The following XYLT1 variants were observed in gnomAD, a reference collection of about 807,000 sequenced individuals.
The protein encoded by XYLT1 is beta-D-xylosyltransferase 1.
XYLT1 carries 36 observed loss-of-function variants against 91.3 expected under a neutral mutation model. The ratio of observed to expected loss-of-function variants is 0.39; its 90% CI spans 0.30 to 0.52. XYLT1 has a LOEUF of 0.52. Among genes scored for constraint, XYLT1 ranks in the 20% least tolerant of loss-of-function variants. The pLI is 0.68. For synonymous variants in XYLT1, 588 were observed against 532.0 expected (o/e 1.11, Z -1.45); for missense variants, 1,242 against 1,284.5 (o/e 0.97, Z 0.51).
intron 3 of XYLT1, among the ~76,000 whole-genome samples, chr16:17,245,692 A>T (rs1381408898): frequency 6.6e-6 from 1 of 152,240 alleles, no homozygotes; most frequent in African/African-American, 2.4e-5. Flanking sequence ...AGAATGACTG[A>T]CATGGTGTTA....
At chr16:17,203,504 C>G (rs1484792359) in intron 3 of XYLT1, among the ~76,000 whole-genome samples, 1 of 151,682 alleles carries the variant, frequency 6.6e-6, no homozygotes, top group African/African-American at 2.4e-5. Context: ...TCATCCATCC[C>G]TCCACCCATC....
intron 1 of XYLT1, among the ~76,000 whole-genome samples, chr16:17,467,300 A>T (rs2036911531): frequency 6.6e-6 from 1 of 152,218 alleles, no homozygotes; most frequent in Admixed American, 6.5e-5. Context: ...AACATTCATT[A>T]CATTAACACA....
At chr16:17,347,755 C>G (rs2035163678) in intron 2 of XYLT1, among the ~76,000 whole-genome samples, 3 of 152,264 alleles carry the variant, frequency 2.0e-5, no homozygotes, top group Admixed American at 2.0e-4. Flanking sequence ...GGTCAGGGTC[C>G]CTGAAGGAAA....
intron 1 of XYLT1, among the ~76,000 whole-genome samples, chr16:17,381,226 G>T (rs1163172020): frequency 2.0e-5 from 3 of 152,060 alleles, no homozygotes; most frequent in Non-Finnish European, 4.4e-5. Context: ...AATCCTGGGG[G>T]TGATGTTCAT....
intron 1 of XYLT1, among the ~76,000 whole-genome samples, chr16:17,420,817 A>G (rs1466465359): frequency 6.6e-6 from 1 of 152,188 alleles, no homozygotes; most frequent in African/African-American, 2.4e-5. Flanking sequence ...GAAAATTCCA[A>G]CCAAAAACAT....
intron 1 of XYLT1, among the ~76,000 whole-genome samples, chr16:17,371,903 C>G (rs1428209240): frequency 6.6e-6 from 1 of 152,216 alleles, no homozygotes; most frequent in African/African-American, 2.4e-5. Context: ...CATGCACATA[C>G]AGGTATGCAT....
At chr16:17,469,588 G>A (rs1471821426) in intron 1 of XYLT1, among the ~76,000 whole-genome samples, 1 of 152,156 alleles carries the variant, frequency 6.6e-6, no homozygotes, top group African/African-American at 2.4e-5. Context: ...GATGGCCCCA[G>A]ATCTGCGGAA....
At chr16:17,156,912 A>C (rs886930710) in intron 6 of XYLT1, among the ~76,000 whole-genome samples, 1 of 152,036 alleles carries the variant, frequency 6.6e-6, no homozygotes, top group Non-Finnish European at 1.5e-5. Flanking sequence ...TTCAATTTAG[A>C]AAAATGATAC....
intron 8 of XYLT1, among the ~76,000 whole-genome samples, chr16:17,136,861 A>AT (rs1597144414): frequency 6.6e-6 from 1 of 152,052 alleles, no homozygotes. Flanking sequence ...CCGGGCTAGG[A>AT]TACAAATGCT....
intron 5 of XYLT1, among the ~76,000 whole-genome samples, chr16:17,196,299 G>A (rs1008574417): frequency 1.6e-4 from 25 of 152,244 alleles, no homozygotes; most frequent in African/African-American, 3.9e-4. Flanking sequence ...AAACTCTTGG[G>A]AATATGTGAC....
chr16:17,356,699 G>A (rs1476806805), intron 2 of XYLT1, among the ~76,000 whole-genome samples: 1 of 152,128 alleles, frequency 6.6e-6, no homozygotes, highest in Non-Finnish European at 1.5e-5. Flanking sequence ...TGAAACGTTC[G>A]AACAGGTTTG....
intron 1 of XYLT1, among the ~76,000 whole-genome samples, chr16:17,462,638 G>A (rs1375741806): frequency 1.3e-5 from 2 of 152,168 alleles, no homozygotes; most frequent in Non-Finnish European, 2.9e-5. Flanking sequence ...TCCTCAGTGG[G>A]CCAACCACAG....
intron 3 of XYLT1, among the ~76,000 whole-genome samples, chr16:17,211,449 G>A (rs1332876817): frequency 6.6e-6 from 1 of 152,198 alleles, no homozygotes; most frequent in East Asian, 1.9e-4. Flanking sequence ...CTCCCTGCTA[G>A]AGAGACAGAA....
chr16:17,465,747 A>AAT (rs2036888525), intron 1 of XYLT1, among the ~76,000 whole-genome samples: 1 of 152,192 alleles, frequency 6.6e-6, no homozygotes, highest in African/African-American at 2.4e-5. Context: ...CGGGAAAATG[A>AAT]ATAACTGCAA....
chr16:17,254,504 C>G (rs2033597665), intron 3 of XYLT1, among the ~76,000 whole-genome samples: 1 of 152,192 alleles, frequency 6.6e-6, no homozygotes, highest in African/African-American at 2.4e-5. Context: ...AAGCGATTCT[C>G]CTGCCTCAGC....
chr16:17,158,877 C>T lies in XYLT1; in HGVS notation c.1322G>A (p.Arg441Gln), dbSNP rs757158375. The T allele has an allele frequency of 1.3e-5, 21 of 1,614,052 alleles. No homozygotes were observed. The highest frequency in any genetic ancestry group is 1.5e-5 in the Non-Finnish European group (18 of 1,180,004). ...CTTCAAGAAATTCATATCTCGGTAT[C>T]GGGAGAGAAACGCCACCAACTGGTC... The part of the protein sequence containing the change: ...TNDQLVAFLS[R>Q]YRDMNFLKSH... Residue 441 changes from arginine to glutamine, a missense_variant, in exon 6 of 12, where the codon CGA (arginine) becomes CAA (glutamine). This residue lies in a region of XYLT1 where 294 missense variants were observed against 376.0 expected (regional missense o/e 0.78). Coordinates refer to ENST00000261381, the MANE Select transcript of XYLT1 (RefSeq NM_022166.4).
At chr16:17,251,719 T>A (rs1277331973) in intron 3 of XYLT1, among the ~76,000 whole-genome samples, 1 of 152,178 alleles carries the variant, frequency 6.6e-6, no homozygotes, top group Non-Finnish European at 1.5e-5. Context: ...TTGCCTCCTA[T>A]GGGTCGCAGG....
chr16:17,402,149 AC>A (rs1242734356), intron 1 of XYLT1, among the ~76,000 whole-genome samples: 894 of 72,564 alleles, frequency 0.012, 7 homozygotes, highest in African/African-American at 0.078. Context: ...AAAAAAAAAC[AC>A]ACACACACAC....
intron 2 of XYLT1, chr16:17,338,473 G>A (rs932413310): frequency 2.2e-6 from 1 of 456,528 alleles, no homozygotes; most frequent in Non-Finnish European, 4.4e-6. Flanking sequence ...GGGCTGGCTG[G>A]AAAGACTTTA....
Sources: allele counts gnomAD v4.1 joint callset (sites outside exome capture counted in the v4.1 genomes callset), GRCh38; gene constraint gnomAD v4.1.1; regional missense constraint gnomAD v4.1.1; transcripts MANE v1.5; gene names NCBI Gene and HGNC (gene_info 2026-07-23, HGNC 2026-07-21).